IL2RA: variants seen among roughly 807,000 people sequenced by gnomAD.
The protein encoded by IL2RA is interleukin-2 receptor subunit alpha.
Under a neutral mutation model 37.8 loss-of-function variants are expected in IL2RA, and 24 were observed. The observed-to-expected ratio is 0.63, with a 90% CI of 0.46 to 0.89. The LOEUF is 0.89. Ranked by LOEUF, IL2RA falls within the 40% of genes least tolerant of loss-of-function variation. IL2RA has a pLI of 0.00. For missense variants in IL2RA, 319 were observed against 348.6 expected, an observed-to-expected ratio of 0.92 and a Z score of 0.68; for synonymous variants, 125 against 114.6, an observed-to-expected ratio of 1.09 and a Z score of -0.58.
Position 6,062,227 on chromosome 10 carries a change from T to C in IL2RA, c.-76A>G. 1.5e-6 allele frequency: 2 copies of C among 1,303,226 alleles called. No homozygotes were observed. The highest frequency in any genetic ancestry group is 2.4e-5 in the South Asian group (2 of 84,616). 80.7% of individuals were successfully genotyped at this position (1,303,226 alleles called of 1,614,324 possible). A position where few individuals can be genotyped will look rare whatever the true frequency, so the allele number is the denominator to read the frequency against. ...GCAGAAGGCCCAGTTGCCGTCAGCC[T>C]CTTTTTGGCATCGCGCCGGAGGATG... On this transcript the variant is annotated 5_prime_UTR_variant, in exon 1 of 8. Transcript: ENST00000379959.
intron 7 of IL2RA, among the ~76,000 whole-genome samples, chr10:6,016,525 T>C (rs1022715916): frequency 2.3e-5 from 1 of 43,160 alleles, no homozygotes; most frequent in Non-Finnish European, 5.1e-5. Context: ...TGTCTTGGGC[T>C]CACCCCAGAC....
At chr10:6,031,442 GTATA>G (rs1242025908) in intron 1 of IL2RA, among the ~76,000 whole-genome samples, 1 of 54,048 alleles carries the variant, frequency 1.9e-5, no homozygotes, top group African/African-American at 7.9e-5. Flanking sequence ...AGCAATTTCA[GTATA>G]TATATATACA....
chr10:6,031,478 A>ATATG (rs1839582655), intron 1 of IL2RA, among the ~76,000 whole-genome samples: 1 of 28,056 alleles, frequency 3.6e-5, no homozygotes, highest in African/African-American at 1.5e-4. Context: ...ATATATATAT[A>ATATG]TATATATATA....
rs1231405270 is a variant in IL2RA at position 6,011,058 on chromosome 10, G to T, written c.*1814C>A. The T allele has an allele frequency of 5.9e-5, 9 of 152,336 alleles. No homozygotes were observed. The highest frequency in any genetic ancestry group is 5.9e-4 in the Admixed American group (9 of 15,272). 9.4% of individuals were successfully genotyped at this position (152,336 alleles called of 1,614,324 possible). A position where few individuals can be genotyped will look rare whatever the true frequency, so the allele number is the denominator to read the frequency against. On this transcript the variant is annotated 3_prime_UTR_variant, in exon 8 of 8. Coordinates refer to ENST00000379959, the MANE Select transcript of IL2RA (RefSeq NM_000417.3). This position sits in a 1 kb window ranked among gnomAD's most constrained non-coding sequence, Gnocchi z 5.2. ...TTGGTCACAGAAATGACAGAAAATA[G>T]TTATTTAATCTGAATCTGGACCCTG...
chr10:6,013,643 C>CA (rs773077839), intron 7 of IL2RA, among the ~76,000 whole-genome samples: 88 of 152,228 alleles, frequency 5.8e-4, no homozygotes, highest in Non-Finnish European at 9.7e-4. Context: ...ACTGATCACG[C>CA]GGTTGGGAAG....
At position 6,015,552 on chromosome 10, in the gene IL2RA, C is replaced by CTTTA. The variant is rs2132844344; in HGVS notation, c.794+2497_794+2500dup. On this transcript the variant is annotated intron_variant, in intron 7 of 7. Transcript: ENST00000379959. This position sits in a 1 kb window ranked among gnomAD's most constrained non-coding sequence, Gnocchi z 4.9. ...CACAGGTGGGACCCAGCAATCTGTGCTTTAACAAGGCCTCCAGATGATTCT... is the reference window on the plus strand; with the variant it reads ...CACAGGTGGGACCCAGCAATCTGTGCTTTATTTAACAAGGCCTCCAGATGATTCT... 6.6e-6 allele frequency among the ~76,000 whole-genome samples: 1 copy of CTTTA among 152,282 alleles called. No individual in the cohort carries two copies. The highest frequency in any genetic ancestry group is 2.4e-5 in the African/African-American group (1 of 41,556).
Position 6,025,037 on chromosome 10 carries a change from A to G in IL2RA, c.257-683T>C, listed in dbSNP as rs1839457259. 6.6e-6 allele frequency among the ~76,000 whole-genome samples: 1 copy of G among 152,184 alleles called. No homozygotes were observed. The highest frequency in any genetic ancestry group is 2.4e-5 in the African/African-American group (1 of 41,436). Reference sequence around the variant, plus strand: ...TGCTTGAGCCCAGGAGTTTAAGACCAGCCTGGACAACATGGGGAAACCCCA... The same window carrying G: ...TGCTTGAGCCCAGGAGTTTAAGACCGGCCTGGACAACATGGGGAAACCCCA... On this transcript the variant is annotated intron_variant, in intron 2 of 7. Coordinates refer to ENST00000379959, the MANE Select transcript of IL2RA (RefSeq NM_000417.3). The surrounding 1 kb of genome is among the most constrained non-coding windows in gnomAD (Gnocchi z 4.4).
chr10:6,042,645 C>T (rs12243643), intron 1 of IL2RA, among the ~76,000 whole-genome samples: 3,808 of 151,950 alleles, frequency 0.025, 183 homozygotes, highest in African/African-American at 0.088. Flanking sequence ...ACTCAGTATC[C>T]GTAATACATA....
intron 1 of IL2RA, among the ~76,000 whole-genome samples, chr10:6,053,578 G>T (rs995886082): frequency 1.3e-5 from 2 of 152,180 alleles, no homozygotes; most frequent in African/African-American, 4.8e-5. Flanking sequence ...GGAAATCAGG[G>T]CCTGTTGGAG....
In IL2RA at chr10:6,021,357, A is replaced by T; in HGVS notation, c.583+121T>A. 2 of 853,574 alleles carry T rather than the reference A, an allele frequency of 2.3e-6. No individual in the cohort carries two copies. Among genetic ancestry groups the T allele is most frequent in the Non-Finnish European group, 4.0e-6 (2 of 503,338 alleles). 52.9% of individuals were successfully genotyped at this position (853,574 alleles called of 1,614,324 possible). ...TCAGAATGAGAAAAAATGGAAGCCC[A>T]GGGAGATCAAGGGTCTTGTCCAAGG... On this transcript the variant is annotated intron_variant, in intron 4 of 7. Transcript: ENST00000379959. The surrounding 1 kb of genome is among the most constrained non-coding windows in gnomAD (Gnocchi z 4.9).
chr10:6,012,780 G>C lies in IL2RA; in HGVS notation c.*92C>G, dbSNP rs972136274. On this transcript the variant is annotated 3_prime_UTR_variant, in exon 8 of 8. Coordinates refer to ENST00000379959, the MANE Select transcript of IL2RA (RefSeq NM_000417.3). This position sits in a 1 kb window ranked among gnomAD's most constrained non-coding sequence, Gnocchi z 4.8. Reference sequence around the variant, plus strand: ...CAAGCACAACGGATGTCTCCTGGGCGACCATTTAGCACCTTTGATTTCACT... The same window carrying C: ...CAAGCACAACGGATGTCTCCTGGGCCACCATTTAGCACCTTTGATTTCACT... 7.5e-7 allele frequency: 1 copy of C among 1,331,658 alleles called. No individual in the cohort carries two copies. Among genetic ancestry groups the C allele is most frequent in the East Asian group, 2.3e-5 (1 of 43,576 alleles). The allele number at this position is 1,331,658 out of a possible 1,614,324, so 82.5% of individuals were successfully genotyped here. A position where few individuals can be genotyped will look rare whatever the true frequency, so the allele number is the denominator to read the frequency against.
In IL2RA at chr10:6,017,495, C is replaced by T. The variant is rs544089510; in HGVS notation, c.794+558G>A. 2.0e-5 allele frequency among the ~76,000 whole-genome samples: 3 copies of T among 151,904 alleles called. No homozygotes were observed. In the East Asian group the frequency reaches 5.8e-4, roughly 29 times the overall value. On this transcript the variant is annotated intron_variant, in intron 7 of 7. Coordinates refer to ENST00000379959, the MANE Select transcript of IL2RA (RefSeq NM_000417.3). ...GTAGATTTCAATAATGTTTATAAAA[C>T]AAGCATCAAGCCTGGTGTATAGTGG...
intron 1 of IL2RA, among the ~76,000 whole-genome samples, chr10:6,053,835 C>T (rs984095246): frequency 1.3e-5 from 2 of 152,190 alleles, no homozygotes; most frequent in Non-Finnish European, 2.9e-5. Flanking sequence ...GCTCTTTCTT[C>T]TTCTTTTGGG....
At chr10:6,053,682 G>A (rs1840000262) in intron 1 of IL2RA, among the ~76,000 whole-genome samples, 1 of 152,120 alleles carries the variant, frequency 6.6e-6, no homozygotes, top group East Asian at 1.9e-4. Context: ...AAAAATAGAG[G>A]TGGGGTCTCA....
rs762839807 is a variant in IL2RA, at chr10:6,021,999, C to G, written c.368-306G>C. Among the ~76,000 whole-genome samples the G allele has an allele frequency of 6.6e-6, 1 of 152,014 alleles. No homozygotes were observed. Among genetic ancestry groups the G allele is most frequent in the African/African-American group, 2.4e-5 (1 of 41,398 alleles). On this transcript the variant is annotated intron_variant, in intron 3 of 7. Coordinates refer to ENST00000379959, the MANE Select transcript of IL2RA (RefSeq NM_000417.3). The surrounding 1 kb of genome is among the most constrained non-coding windows in gnomAD (Gnocchi z 4.9). ...AATGAGCGATTCATTCTGGTTGGTGCGGCCCCGAGACAGGAACGCCACAAC... is the reference window on the plus strand; with the variant it reads ...AATGAGCGATTCATTCTGGTTGGTGGGGCCCCGAGACAGGAACGCCACAAC...
chr10:6,024,404 G>A, intron 2 of IL2RA, 50 bp from the exon 3 acceptor site: 1 of 1,304,776 alleles, frequency 7.7e-7, no homozygotes, highest in Non-Finnish European at 1.1e-6. Flanking sequence ...ATGCTTCATA[G>A]AAAACACTGT....
intron 1 of IL2RA, among the ~76,000 whole-genome samples, chr10:6,032,440 C>A (rs1229370170): frequency 6.6e-6 from 1 of 152,092 alleles, no homozygotes; most frequent in Non-Finnish European, 1.5e-5. Flanking sequence ...CGCCTGTAAT[C>A]CCAGCACTTT....
At position 6,019,881 on chromosome 10, in the gene IL2RA, A is replaced by G. The variant is rs1435232631; in HGVS notation, c.644T>C (p.Val215Ala). The G allele has an allele frequency of 6.2e-7, 1 of 1,614,078 alleles. No homozygotes were observed. The highest frequency in any genetic ancestry group is 1.1e-5 in the South Asian group (1 of 91,084). The stretch of plus-strand genomic sequence containing the variant: ...GTCTTCTCCCGCACCTGTTGTTGTG[A>G]CGAGGCAGGAAGTCTCACTCTCAGG... ...GRPESETSCL[V>A]TTTDFQIQTE... Residue 215 changes from valine (V) to alanine (A), a missense_variant, in exon 5 of 8, where the codon GTC becomes GCC. Transcript: ENST00000379959.
Position 6,036,877 on chromosome 10 carries a change from G to A in IL2RA, c.65-10852C>T, listed in dbSNP as rs1411455335. Reference sequence around the variant, plus strand: ...GGCAGGACGGATGCTGAGGTTGTTCGCAGCAGCGTGTGTGCAGAGCCCCCG... The same window carrying A: ...GGCAGGACGGATGCTGAGGTTGTTCACAGCAGCGTGTGTGCAGAGCCCCCG... On this transcript the variant is annotated intron_variant, in intron 1 of 7. Coordinates refer to ENST00000379959, the MANE Select transcript of IL2RA (RefSeq NM_000417.3). This position sits in a 1 kb window ranked among gnomAD's most constrained non-coding sequence, Gnocchi z 6.1. Among the ~76,000 whole-genome samples the A allele has an allele frequency of 3.3e-5, 5 of 152,262 alleles. No individual in the cohort carries two copies. The highest frequency in any genetic ancestry group is 2.6e-4 in the Admixed American group (4 of 15,292).
Sources: gnomAD v4.1 joint callset for allele counts (sites outside exome capture counted in the v4.1 genomes callset) on GRCh38, gnomAD v4.1.1 for gene constraint, Gnocchi (gnomAD v3.1) non-coding constraint, MANE v1.5 for transcripts, NCBI Gene and HGNC (gene_info 2026-07-23, HGNC 2026-07-21) for gene names.